The following FER variants were observed in gnomAD, a reference collection of about 807,000 sequenced individuals.
FER encodes the protein tyrosine-protein kinase Fer.
FER carries 63 observed loss-of-function variants against 111.0 expected under a neutral mutation model. The ratio of observed to expected loss-of-function variants is 0.57; its 90% CI spans 0.46 to 0.70. The LOEUF (loss-of-function observed/expected upper bound fraction) is 0.70, where lower values mean the gene tolerates loss of function less well. Among genes scored for constraint, FER ranks in the 30% least tolerant of loss-of-function variants. The pLI is 0.00. For synonymous variants in FER, 327 were observed against 313.9 expected (o/e 1.04, Z -0.44); for missense variants, 914 against 954.0 (o/e 0.96, Z 0.55).
intron 17 of FER, among the ~76,000 whole-genome samples, chr5:109,146,207 A>G (rs1048157159): frequency 5.2e-4 from 37 of 70,576 alleles, no homozygotes; most frequent in African/African-American, 2.1e-3. Flanking sequence ...TAATCTATCT[A>G]TTTTATATAT....
At chr5:108,774,047 C>G (rs77925714) in intron 2 of FER, among the ~76,000 whole-genome samples, 3,254 of 151,770 alleles carry the variant, frequency 0.021, 111 homozygotes, top group African/African-American at 0.075. Context: ...AAGTTCCCTC[C>G]CCTCACCTCC....
At chr5:108,821,007 G>A (rs1403812441) in intron 3 of FER, among the ~76,000 whole-genome samples, 1 of 152,224 alleles carries the variant, frequency 6.6e-6, no homozygotes, top group African/African-American at 2.4e-5. Flanking sequence ...AGCTACTCGG[G>A]AGGTTGAGGC....
chr5:108,924,466 A>C (rs996085828), intron 10 of FER: 22 of 481,198 alleles, frequency 4.6e-5, no homozygotes, highest in African/African-American at 3.2e-4. Flanking sequence ...CGAAAACGCA[A>C]CATTTGTTGG....
intron 16 of FER, among the ~76,000 whole-genome samples, chr5:109,055,568 T>G (rs990728093): frequency 6.6e-6 from 1 of 151,752 alleles, no homozygotes; most frequent in Admixed American, 6.6e-5. Flanking sequence ...AGGAGGACTG[T>G]TGGATCCAGG....
At chr5:108,856,179 T>A (rs1424223326) in intron 5 of FER, among the ~76,000 whole-genome samples, 1 of 152,110 alleles carries the variant, frequency 6.6e-6, no homozygotes, top group African/African-American at 2.4e-5. Context: ...AGATATAAAT[T>A]CAGATAAAAA....
intron 12 of FER, among the ~76,000 whole-genome samples, chr5:108,956,510 G>A (rs1387108384): frequency 1.3e-5 from 2 of 151,460 alleles, no homozygotes; most frequent in Non-Finnish European, 1.5e-5. Context: ...GCAAATTTTT[G>A]CTTGTTTTTA....
chr5:108,793,672 T>C (rs1451454308), intron 2 of FER, among the ~76,000 whole-genome samples: 1 of 152,174 alleles, frequency 6.6e-6, no homozygotes, highest in Non-Finnish European at 1.5e-5. Flanking sequence ...TTCTACATCC[T>C]TACTATTTGT....
At chr5:108,755,112 G>A (rs1750937038) in intron 1 of FER, among the ~76,000 whole-genome samples, 2 of 152,168 alleles carry the variant, frequency 1.3e-5, no homozygotes, top group African/African-American at 4.8e-5. Flanking sequence ...AGTCATTAAA[G>A]CTATTAATTT....
chr5:108,974,386 T>C (rs11952227), intron 13 of FER, among the ~76,000 whole-genome samples: 17,206 of 152,136 alleles, frequency 0.11, 1,075 homozygotes, highest in Middle Eastern at 0.16. Context: ...GACAGCATAG[T>C]TTTTCAGAGG....
chr5:108,844,718 G>C (rs1215224868), intron 5 of FER, among the ~76,000 whole-genome samples: 1 of 151,278 alleles, frequency 6.6e-6, no homozygotes, highest in Non-Finnish European at 1.5e-5. Flanking sequence ...TGTATAGTTT[G>C]GTTTTCATTT....
At chr5:109,096,914 CAAT>C (rs1747603538) in intron 16 of FER, among the ~76,000 whole-genome samples, 2 of 149,510 alleles carry the variant, frequency 1.3e-5, no homozygotes, top group Non-Finnish European at 3.0e-5. Flanking sequence ...ATAACAACAA[CAAT>C]AATAGTAATA....
intron 2 of FER, among the ~76,000 whole-genome samples, chr5:108,787,804 T>C (rs1353561210): frequency 6.6e-6 from 1 of 152,174 alleles, no homozygotes; most frequent in Non-Finnish European, 1.5e-5. Flanking sequence ...TGGGCACACA[T>C]TGGGACAACC....
At chr5:108,827,341 G>C (rs1427373166) in intron 3 of FER, among the ~76,000 whole-genome samples, 1 of 152,084 alleles carries the variant, frequency 6.6e-6, no homozygotes, top group Non-Finnish European at 1.5e-5. Context: ...ACAGATAAAG[G>C]GCTGGGTTTC....
chr5:109,022,775 G>T (rs1285789304), intron 13 of FER, among the ~76,000 whole-genome samples: 3 of 152,072 alleles, frequency 2.0e-5, no homozygotes, highest in African/African-American at 7.2e-5. Context: ...GGGTAACTAT[G>T]TCATACAAAT....
intron 13 of FER, among the ~76,000 whole-genome samples, chr5:109,015,271 G>A (rs1766922142): frequency 6.6e-6 from 1 of 152,062 alleles, no homozygotes; most frequent in East Asian, 1.9e-4. Flanking sequence ...TTTTAAAACT[G>A]CTGTATCGGT....
chr5:109,139,681 G>T (rs1277930559), intron 17 of FER, among the ~76,000 whole-genome samples: 1 of 152,022 alleles, frequency 6.6e-6, no homozygotes, highest in Non-Finnish European at 1.5e-5. Context: ...TGTTATGAAA[G>T]CAAACCCCCA....
intron 1 of FER, among the ~76,000 whole-genome samples, chr5:108,759,545 C>G (rs1344728646): frequency 1.3e-5 from 2 of 152,182 alleles, no homozygotes; most frequent in African/African-American, 4.8e-5. Context: ...TAACAGAATA[C>G]CACAGACTGA....
intron 10 of FER, among the ~76,000 whole-genome samples, chr5:108,936,181 A>G (rs1755448573): frequency 6.6e-6 from 1 of 152,038 alleles, no homozygotes; most frequent in African/African-American, 2.4e-5. Flanking sequence ...CATTGGGAGC[A>G]AAGGGATTGA....
At chr5:108,812,915 T>TC (rs58551078) in intron 3 of FER, among the ~76,000 whole-genome samples, 34,717 of 151,928 alleles carry the variant, frequency 0.23, 4,151 homozygotes, top group African/African-American at 0.28. Flanking sequence ...GAGTTATAAA[T>TC]CCACAATACA....
Sources: allele counts gnomAD v4.1 joint callset (sites outside exome capture counted in the v4.1 genomes callset), GRCh38; gene constraint gnomAD v4.1.1; transcripts MANE v1.5; gene names NCBI Gene and HGNC (gene_info 2026-07-23, HGNC 2026-07-21).